The following RNF169 variants were observed in gnomAD, a reference collection of about 807,000 sequenced individuals.
RNF169 encodes ring finger protein 169.
Under a neutral mutation model 53.9 loss-of-function variants are expected in RNF169, and 24 were observed. The observed-to-expected ratio is 0.45, with a 90% CI of 0.32 to 0.63. The LOEUF (loss-of-function observed/expected upper bound fraction) is 0.63. Ranked by LOEUF, RNF169 falls within the 20% of genes least tolerant of loss-of-function variation. The pLI is 0.04. For synonymous variants in RNF169, 396 were observed against 363.5 expected (o/e 1.09, Z -1.02); for missense variants, 883 against 906.2 (o/e 0.97, Z 0.33).
At chr11:74,800,539 C>G (rs993011589) in intron 2 of RNF169, among the ~76,000 whole-genome samples, 2 of 152,026 alleles carry the variant, frequency 1.3e-5, no homozygotes, top group African/African-American at 4.8e-5. Context: ...CATCATAGTA[C>G]CAAGCTTATA....
intron 2 of RNF169, among the ~76,000 whole-genome samples, chr11:74,803,102 T>C (rs1565181229): frequency 6.7e-6 from 1 of 148,560 alleles, no homozygotes; most frequent in Admixed American, 6.7e-5. Context: ...CTTTTTTTTT[T>C]TTTGAGATAG....
chr11:74,764,457 G>C (rs80353520), intron 1 of RNF169, among the ~76,000 whole-genome samples: 59 of 152,118 alleles, frequency 3.9e-4, no homozygotes, highest in African/African-American at 1.4e-3. Context: ...CCCAGGAGGC[G>C]GTGAGCCAAA....
chr11:74,798,527 G>A (rs570452599), intron 2 of RNF169, among the ~76,000 whole-genome samples: 33 of 152,262 alleles, frequency 2.2e-4, no homozygotes, highest in African/African-American at 6.7e-4. Flanking sequence ...AGTGGTACCC[G>A]AAACTTCATT....
At position 74,810,111 on chromosome 11, in the gene RNF169, A is replaced by G. The variant is rs999853135; in HGVS notation, c.577-73A>G. The G allele has an allele frequency of 1.4e-5, 18 of 1,332,016 alleles. No individual in the cohort carries two copies. The African/African-American group carries it at 2.7e-4, about 20-fold the overall frequency. 82.5% of individuals were successfully genotyped at this position (1,332,016 alleles called of 1,614,324 possible). On this transcript the variant is annotated intron_variant, in intron 2 of 5. Transcript: ENST00000299563. ...CCATGTGATCTGTTTGTTCTAATAA[A>G]CTACAGAGTAAAATATGTTTTTAAG...
At chr11:74,820,329 C>A (rs2035992628) in intron 4 of RNF169, among the ~76,000 whole-genome samples, 1 of 152,100 alleles carries the variant, frequency 6.6e-6, no homozygotes, top group Non-Finnish European at 1.5e-5. Flanking sequence ...TTATGCCTTA[C>A]CTACAAGCTA....
At chr11:74,752,595 CAAA>C (rs371908528) in intron 1 of RNF169, among the ~76,000 whole-genome samples, 9 of 111,890 alleles carry the variant, frequency 8.0e-5, no homozygotes, top group Non-Finnish European at 5.9e-5. Flanking sequence ...GACTCTGTCT[CAAA>C]AAAAAAAAAA....
intron 1 of RNF169, among the ~76,000 whole-genome samples, chr11:74,766,124 G>C (rs1726811262): frequency 6.6e-6 from 1 of 152,156 alleles, no homozygotes; most frequent in South Asian, 2.1e-4. Flanking sequence ...AAAACTTTCT[G>C]CCCATGAATT....
chr11:74,756,477 A>G (rs2034984750), intron 1 of RNF169, among the ~76,000 whole-genome samples: 1 of 152,190 alleles, frequency 6.6e-6, no homozygotes, highest in Non-Finnish European at 1.5e-5. Flanking sequence ...GGTTGTTGTT[A>G]AAGACTAAAT....
intron 2 of RNF169, among the ~76,000 whole-genome samples, chr11:74,806,708 C>G (rs1347916040): frequency 6.6e-6 from 1 of 151,728 alleles, no homozygotes; most frequent in Non-Finnish European, 1.5e-5. Context: ...ACATGTAAGA[C>G]TTCACTTATA....
intron 4 of RNF169, among the ~76,000 whole-genome samples, chr11:74,823,083 C>T (rs1255572489): frequency 6.6e-6 from 1 of 152,044 alleles, no homozygotes; most frequent in African/African-American, 2.4e-5. Context: ...CCAAATGCTA[C>T]AATAACAACA....
rs114498871 is a variant in RNF169 at position 74,834,837 on chromosome 11, T to C, written c.942+62T>C. 3,173 of 1,101,498 alleles carry C rather than the reference T, an allele frequency of 2.9e-3. 47 individuals carry two copies. The African/African-American group carries it at 0.036, about 12-fold the overall frequency. The allele number at this position is 1,101,498 out of a possible 1,614,324, so 68.2% of individuals were successfully genotyped here. On this transcript the variant is annotated intron_variant, in intron 5 of 5. Transcript: ENST00000299563. ...CTTGCCCCATCACCCCCTCTGCACA[T>C]GGTCATGAAATAAACTATTCCAGAA...
rs999497987 is a variant in RNF169, at chr11:74,748,959, C to A, written c.79C>A (p.Arg27Ser). 3.4e-6 allele frequency: 5 copies of A among 1,470,778 alleles called. No individual in the cohort carries two copies. Among genetic ancestry groups the A allele is most frequent in the Non-Finnish European group, 4.5e-6 (5 of 1,100,102 alleles). 91.1% of individuals were successfully genotyped at this position (1,470,778 alleles called of 1,614,324 possible). The change falls in exon 1 of 6, where the codon CGC becomes AGC. Residue 27 changes from arginine (R) to serine (S), a missense_variant. Arg to Ser is a moderately radical substitution (Grantham distance 110, BLOSUM62 -1). Around this residue, in one of 3 missense-constraint regions of RNF169, gnomAD observed 313 missense variants for 279.9 expected, o/e 1.12. Coordinates refer to ENST00000299563, the MANE Select transcript of RNF169 (RefSeq NM_001098638.2). ...TCTGAGTCGGCGGGGCCGGCGGGGC[C>A]GCTGTGACGAGACGGCGGCAGCTAA... ...AALSRRGRRG[R>S]CDETAAAKTG...
At chr11:74,830,373 T>C (rs2036160262) in intron 4 of RNF169, among the ~76,000 whole-genome samples, 1 of 152,062 alleles carries the variant, frequency 6.6e-6, no homozygotes. Flanking sequence ...AGAAGGATTA[T>C]AGACAAATAC....
At chr11:74,791,568 C>T (rs376409745) in intron 2 of RNF169, among the ~76,000 whole-genome samples, 12 of 152,358 alleles carry the variant, frequency 7.9e-5, no homozygotes, top group African/African-American at 1.4e-4. Context: ...GGTGGCAGGG[C>T]GCTGCCATGT....
chr11:74,798,012 C>T (rs1312034339), intron 2 of RNF169, among the ~76,000 whole-genome samples: 2 of 152,178 alleles, frequency 1.3e-5, no homozygotes, highest in Non-Finnish European at 2.9e-5. Context: ...TTGTGATTTC[C>T]CATGCCTGTC....
chr11:74,779,875 G>C (rs753894406), intron 1 of RNF169, among the ~76,000 whole-genome samples: 2 of 152,024 alleles, frequency 1.3e-5, no homozygotes, highest in Non-Finnish European at 2.9e-5. Context: ...TTGGAGATGG[G>C]GTTTCCCTAC....
At chr11:74,779,035 G>T (rs933377000) in intron 1 of RNF169, among the ~76,000 whole-genome samples, 1 of 152,194 alleles carries the variant, frequency 6.6e-6, no homozygotes, top group Non-Finnish European at 1.5e-5. Context: ...TAGTACAAGT[G>T]TATGGTCTGT....
At position 74,789,791 on chromosome 11, in the gene RNF169, A is replaced by C. The variant is rs1054105944; in HGVS notation, c.576+92A>C. The C allele has an allele frequency of 5.1e-6, 4 of 786,718 alleles. No homozygotes were observed. The Middle Eastern group carries it at 8.3e-4, about 164-fold the overall frequency. The allele number at this position is 786,718 out of a possible 1,614,324, so 48.7% of individuals were successfully genotyped here. On this transcript the variant is annotated intron_variant, in intron 2 of 5. Transcript: ENST00000299563. ...GTGGGAGTTTTGACCAGGTTTTAAAAAATTTATAATGCAGAGCCTTTCTTC... is the reference window on the plus strand; with the variant it reads ...GTGGGAGTTTTGACCAGGTTTTAAACAATTTATAATGCAGAGCCTTTCTTC...
At chr11:74,834,150 G>A (rs1238501545) in intron 4 of RNF169, among the ~76,000 whole-genome samples, 1 of 152,172 alleles carries the variant, frequency 6.6e-6, no homozygotes, top group African/African-American at 2.4e-5. Flanking sequence ...TTAAACCTCT[G>A]AAATCACTAG....
Sources: gnomAD v4.1 joint callset for allele counts (sites outside exome capture counted in the v4.1 genomes callset) on GRCh38, gnomAD v4.1.1 for gene constraint, gnomAD v4.1.1 regional missense constraint, MANE v1.5 for transcripts, NCBI Gene and HGNC (gene_info 2026-07-23, HGNC 2026-07-21) for gene names.